Variants in CDC42SE1 observed in about 807,000 individuals in gnomAD.
The protein encoded by CDC42SE1 is CDC42 small effector protein 1.
Under a neutral mutation model 10.9 loss-of-function variants are expected in CDC42SE1, and 10 were observed. That is an observed-to-expected ratio of 0.92 (90% CI 0.57 to 1.56). The LOEUF (loss-of-function observed/expected upper bound fraction) is 1.56. Among genes scored for constraint, CDC42SE1 ranks in the 40% most tolerant of loss-of-function variants. The pLI is 0.00. For missense variants in CDC42SE1, 81 were observed against 100.8 expected (o/e 0.80, Z 0.84); for synonymous variants, 24 against 32.0 (o/e 0.75, Z 0.85).
At chr1:151,055,327 T>C in intron 2 of CDC42SE1, 2 of 599,342 alleles carry the variant, frequency 3.3e-6, no homozygotes, top group Non-Finnish European at 3.0e-6. Context: ...ACCAGAGTAG[T>C]GAGGGCAGTG....
chr1:151,059,142 ATC>A (rs1676348416), intron 1 of CDC42SE1: 1 of 152,280 alleles, frequency 6.6e-6, no homozygotes, highest in Admixed American at 6.5e-5. Flanking sequence ...CAGATTCCGT[ATC>A]TGTCTCCCCC....
intron 2 of CDC42SE1, 35 bp from the exon 3 acceptor site, chr1:151,055,161 C>A (rs199939453): frequency 1.3e-6 from 2 of 1,483,294 alleles, no homozygotes; most frequent in Admixed American, 3.3e-5. Context: ...TGTCTTAAGG[C>A]CCCTCCTCCA....
intron 1 of CDC42SE1, among the ~76,000 whole-genome samples, chr1:151,056,256 G>C (rs1380234878): frequency 1.3e-5 from 2 of 152,310 alleles, no homozygotes; most frequent in South Asian, 2.1e-4. Flanking sequence ...TTAGAGTTAA[G>C]AGGATGGGCG....
chr1:151,056,399 C>G (rs1339868293), intron 1 of CDC42SE1, among the ~76,000 whole-genome samples: 1 of 152,082 alleles, frequency 6.6e-6, no homozygotes, highest in Non-Finnish European at 1.5e-5. Flanking sequence ...GTTTTTTGTT[C>G]TCACAAACAA....
chr1:151,055,275 G>C (rs902695079), intron 2 of CDC42SE1, 149 bp from the exon 3 acceptor site: 2 of 633,036 alleles, frequency 3.2e-6, no homozygotes, highest in African/African-American at 3.6e-5. Flanking sequence ...ACTAGGGCAT[G>C]AAAGGCAAAG....
Position 151,051,749 on chromosome 1 carries a change from CCT to C in CDC42SE1, c.*1593_*1594del, listed in dbSNP as rs1235430528. 2.0e-5 allele frequency: 3 copies of C among 152,552 alleles called. No homozygotes were observed. The highest frequency in any genetic ancestry group is 4.8e-5 in the African/African-American group (2 of 41,414). 9.4% of individuals were successfully genotyped at this position (152,552 alleles called of 1,614,324 possible). A position where few individuals can be genotyped will look rare whatever the true frequency, so the allele number is the denominator to read the frequency against. ...GGGACCTGGTCTTCAGACAAAACTC[CCT>C]GAGTCTAATGTGTGTCTAGGACTAG... is the stretch of plus-strand genomic sequence containing the variant. On this transcript the variant is annotated 3_prime_UTR_variant, in exon 5 of 5. Coordinates refer to ENST00000357235, the MANE Select transcript of CDC42SE1 (RefSeq NM_020239.4).
At chr1:151,054,413 C>T in intron 3 of CDC42SE1, 92 bp from the exon 4 acceptor site, 1 of 1,004,364 alleles carries the variant, frequency 1.0e-6, no homozygotes, top group Non-Finnish European at 1.6e-6. Context: ...AGGCTGACGC[C>T]ATCTCCTTGA....
chr1:151,054,473 C>T, intron 3 of CDC42SE1, 152 bp from the exon 4 acceptor site: 1 of 664,540 alleles, frequency 1.5e-6, no homozygotes, highest in Non-Finnish European at 2.7e-6. Context: ...AGTCTCAATG[C>T]CTCTTTTCAC....
At chr1:151,058,850 C>G (rs1040124011) in intron 1 of CDC42SE1, 1 of 152,648 alleles carries the variant, frequency 6.6e-6, no homozygotes, top group East Asian at 1.9e-4. Flanking sequence ...CAACCCGCGG[C>G]CTGACAAGCC....
Position 151,053,001 on chromosome 1 carries a change from G to T in CDC42SE1, c.*343C>A, listed in dbSNP as rs1204772696. On this transcript the variant is annotated 3_prime_UTR_variant, in exon 5 of 5. Transcript: ENST00000357235. ...TTCCAGGTTTAAGAGTTTAAAAACA[G>T]GTGGCACCCAGACCATCATTCAGGA... 6 of 152,516 alleles carry T rather than the reference G, an allele frequency of 3.9e-5. No individual in the cohort carries two copies. The highest frequency in any genetic ancestry group is 1.4e-4 in the African/African-American group (6 of 41,446). The allele number at this position is 152,516 out of a possible 1,614,324, so 9.4% of individuals were successfully genotyped here.
At position 151,055,737 on chromosome 1, in the gene CDC42SE1, T is replaced by G; in HGVS notation, c.-7A>C. ...TGTGCCAAAATTCACTCATGTTCCC[T>G]GATGGTTCCAGCTTCACTCCGCTGT... On this transcript the variant is annotated 5_prime_UTR_variant, in exon 2 of 5. Coordinates refer to ENST00000357235, the MANE Select transcript of CDC42SE1 (RefSeq NM_020239.4). The G allele has an allele frequency of 6.2e-7, 1 of 1,612,264 alleles. No homozygotes were observed. The highest frequency in any genetic ancestry group is 8.5e-7 in the Non-Finnish European group (1 of 1,178,690).
At position 151,052,483 on chromosome 1, in the gene CDC42SE1, C is replaced by T. The variant is rs139595753; in HGVS notation, c.*861G>A. 1,144 of 152,724 alleles carry T rather than the reference C, an allele frequency of 7.5e-3. 9 individuals carry two copies. Among genetic ancestry groups the T allele is most frequent in the Middle Eastern group, 0.014 (4 of 294 alleles). The allele number at this position is 152,724 out of a possible 1,614,324, so 9.5% of individuals were successfully genotyped here. A position where few individuals can be genotyped will look rare whatever the true frequency, so the allele number is the denominator to read the frequency against. ...CTGGGTTTCTTTCCAGACCCCTCTT[C>T]CTCCTCTCACCTGGGCCAGCAGGGA... On this transcript the variant is annotated 3_prime_UTR_variant, in exon 5 of 5. Coordinates refer to ENST00000357235, the MANE Select transcript of CDC42SE1 (RefSeq NM_020239.4).
Position 151,052,904 on chromosome 1 carries a change from G to A in CDC42SE1, c.*440C>T, listed in dbSNP as rs997320721. The stretch of plus-strand genomic sequence containing the variant: ...TCCAGCAGGAAGGAGGAGAAGGGCA[G>A]GGAGGTAGGGAGCTTCTCAGCAAAG... On this transcript the variant is annotated 3_prime_UTR_variant, in exon 5 of 5. Coordinates refer to ENST00000357235, the MANE Select transcript of CDC42SE1 (RefSeq NM_020239.4). 3.9e-5 allele frequency: 6 copies of A among 152,266 alleles called. No homozygotes were observed. The highest frequency in any genetic ancestry group is 7.3e-5 in the Non-Finnish European group (5 of 68,074). 9.4% of individuals were successfully genotyped at this position (152,266 alleles called of 1,614,324 possible).
chr1:151,055,186 A>T, intron 2 of CDC42SE1, 60 bp from the exon 3 acceptor site: 1 of 1,243,606 alleles, frequency 8.0e-7, no homozygotes, highest in Non-Finnish European at 1.2e-6. Flanking sequence ...GCACGGAGGA[A>T]GGGAAAAGAG....
chr1:151,055,563 G>C (rs1558108879), intron 2 of CDC42SE1, 114 bp downstream of exon 2: 1 of 846,494 alleles, frequency 1.2e-6, no homozygotes. Flanking sequence ...TCCTGACACA[G>C]AGGGAGGCAA....
In CDC42SE1 at chr1:151,055,045, C is replaced by G; in HGVS notation, c.136G>C (p.Glu46Gln). The G allele has an allele frequency of 6.2e-7, 1 of 1,613,896 alleles. No homozygotes were observed. ...FVHLTHIGSG[E>Q]MGAGDGLAMT... Reference sequence around the variant, plus strand: ...GCAAGTCCATCTCCGGCCCCCATCTCCCCTGAGCCAATGTGAGTCAGGTGA... The same window carrying G: ...GCAAGTCCATCTCCGGCCCCCATCTGCCCTGAGCCAATGTGAGTCAGGTGA... Residue 46 changes from glutamate to glutamine, a missense_variant, in exon 3 of 5, where the codon GAG becomes CAG. Physicochemically the swap from Glu to Gln is conservative, Grantham distance 29 (BLOSUM62 2). Coordinates refer to ENST00000357235, the MANE Select transcript of CDC42SE1 (RefSeq NM_020239.4).
intron 1 of CDC42SE1, chr1:151,056,762 T>G (rs940913099): frequency 6.6e-6 from 1 of 152,350 alleles, no homozygotes; most frequent in Non-Finnish European, 1.5e-5. Flanking sequence ...TGGCCATATC[T>G]CCACGTGTGT....
At position 151,051,117 on chromosome 1, in the gene CDC42SE1, G is replaced by A. The variant is rs1676168464; in HGVS notation, c.*2227C>T. On this transcript the variant is annotated 3_prime_UTR_variant, in exon 5 of 5. Coordinates refer to ENST00000357235, the MANE Select transcript of CDC42SE1 (RefSeq NM_020239.4). Reference sequence around the variant, plus strand: ...ATACATATTAGAGAAGGTAGCTAAAGGCAAGAGAGCACCAAAGGAAAAAGA... The same window carrying A: ...ATACATATTAGAGAAGGTAGCTAAAAGCAAGAGAGCACCAAAGGAAAAAGA... 6.6e-6 allele frequency: 1 copy of A among 152,020 alleles called. No homozygotes were observed. Among genetic ancestry groups the A allele is most frequent in the African/African-American group, 2.4e-5 (1 of 41,372 alleles). The allele number at this position is 152,020 out of a possible 1,614,324, so 9.4% of individuals were successfully genotyped here.
chr1:151,055,342 G>A, intron 2 of CDC42SE1: 1 of 593,954 alleles, frequency 1.7e-6, no homozygotes. Context: ...GCAGTGGCCT[G>A]CAGAGTGAAC....
Sources: allele counts gnomAD v4.1 joint callset (sites outside exome capture counted in the v4.1 genomes callset), GRCh38; gene constraint gnomAD v4.1.1; transcripts MANE v1.5; gene names NCBI Gene and HGNC (gene_info 2026-07-23, HGNC 2026-07-21).